TACR3: variants seen among roughly 807,000 people sequenced by gnomAD.
TACR3 encodes neuromedin-K receptor.
Under a neutral mutation model 35.0 loss-of-function variants are expected in TACR3, and 34 were observed. That is an observed-to-expected ratio of 0.97 (90% CI 0.74 to 1.30). TACR3 has a LOEUF of 1.30. Ranked by LOEUF, TACR3 falls within the 50% of genes most tolerant of loss-of-function variation. The pLI, the probability that TACR3 is intolerant of heterozygous loss-of-function variation, is 0.00. For missense variants in TACR3, 558 were observed against 591.7 expected (o/e 0.94, Z 0.59); for synonymous variants, 233 against 221.1 (o/e 1.05, Z -0.48).
At chr4:103,639,758 G>A (rs1463891931) in intron 3 of TACR3, among the ~76,000 whole-genome samples, 1 of 151,942 alleles carries the variant, frequency 6.6e-6, no homozygotes, top group East Asian at 1.9e-4. Flanking sequence ...TGACTCTATT[G>A]TTAAATAAAA....
At chr4:103,625,042 T>C (rs991215950) in intron 3 of TACR3, among the ~76,000 whole-genome samples, 2 of 152,074 alleles carry the variant, frequency 1.3e-5, no homozygotes, top group Admixed American at 6.6e-5. Flanking sequence ...AAACACGCAA[T>C]TGCCTCAGAA....
At chr4:103,668,666 G>A (rs968687261) in intron 1 of TACR3, among the ~76,000 whole-genome samples, 1 of 151,936 alleles carries the variant, frequency 6.6e-6, no homozygotes, top group Non-Finnish European at 1.5e-5. Context: ...TGGCCAACAT[G>A]GTGAAACCCC....
intron 1 of TACR3, among the ~76,000 whole-genome samples, chr4:103,701,121 A>G (rs1482883454): frequency 6.6e-6 from 1 of 152,160 alleles, no homozygotes; most frequent in Non-Finnish European, 1.5e-5. Flanking sequence ...CCCTGTTTGC[A>G]GATGACATGA....
rs995806236 is a variant in TACR3 at position 103,689,685 on chromosome 4, C to T, written c.548+29443G>A. Among the ~76,000 whole-genome samples the T allele has an allele frequency of 2.6e-5, 4 of 151,840 alleles. 1 individual carries two copies. In the South Asian group the frequency reaches 6.2e-4, roughly 24 times the overall value. ...AAAAATTAAAGACAAATGAACAAAG[C>T]CTAAGAGATTTGTGAGACTCTATTA... On this transcript the variant is annotated intron_variant, in intron 1 of 4. Transcript: ENST00000304883.
intron 1 of TACR3, among the ~76,000 whole-genome samples, chr4:103,692,813 G>A (rs1005536679): frequency 6.6e-6 from 1 of 152,144 alleles, no homozygotes; most frequent in Non-Finnish European, 1.5e-5. Flanking sequence ...TGTGAGTTCT[G>A]AGGGGCCAGG....
chr4:103,606,008 G>T (rs1724352670), intron 3 of TACR3, among the ~76,000 whole-genome samples: 1 of 151,816 alleles, frequency 6.6e-6, no homozygotes, highest in African/African-American at 2.4e-5. Flanking sequence ...TGTATAAGGT[G>T]TAAGGAAGGG....
At chr4:103,705,359 C>T (rs1289405078) in intron 1 of TACR3, among the ~76,000 whole-genome samples, 1 of 152,002 alleles carries the variant, frequency 6.6e-6, no homozygotes, top group Non-Finnish European at 1.5e-5. Context: ...TATTTCATGG[C>T]CTTTTCATTC....
intron 3 of TACR3, among the ~76,000 whole-genome samples, chr4:103,650,756 T>G (rs1437981197): frequency 2.2e-5 from 2 of 90,826 alleles, no homozygotes; most frequent in Non-Finnish European, 3.9e-5. Context: ...ATATATATAT[T>G]ATATATGATG....
intron 3 of TACR3, among the ~76,000 whole-genome samples, chr4:103,617,442 C>G (rs954345872): frequency 2.0e-5 from 3 of 152,070 alleles, no homozygotes; most frequent in Non-Finnish European, 2.9e-5. Context: ...TATCTCAAAT[C>G]TTTTTCCAAG....
chr4:103,626,457 C>T lies in TACR3; in HGVS notation c.888+29737G>A, dbSNP rs77835478. Among the ~76,000 whole-genome samples, 681 of 152,020 alleles carry T rather than the reference C, an allele frequency of 4.5e-3. 6 individuals are homozygous for T. Among genetic ancestry groups the T allele is most frequent in the African/African-American group, 0.016 (648 of 41,442 alleles). On this transcript the variant is annotated intron_variant, in intron 3 of 4. Transcript: ENST00000304883. ...CGAATTTTTGTGTTTAGGAAAAAGA[C>T]GTATAGCTGGTGTAACCAGCTAAGG...
chr4:103,634,184 G>C (rs1725129458), intron 3 of TACR3, among the ~76,000 whole-genome samples: 1 of 152,050 alleles, frequency 6.6e-6, no homozygotes, highest in Non-Finnish European at 1.5e-5. Flanking sequence ...TTATTAATCT[G>C]TTATTAACAG....
At chr4:103,668,379 C>T (rs1248560533) in intron 1 of TACR3, among the ~76,000 whole-genome samples, 1 of 152,094 alleles carries the variant, frequency 6.6e-6, no homozygotes, top group Non-Finnish European at 1.5e-5. Context: ...ATCATCTGAT[C>T]CTTCAGCAAG....
intron 1 of TACR3, among the ~76,000 whole-genome samples, chr4:103,661,707 G>GT (rs1407592445): frequency 1.3e-5 from 2 of 151,944 alleles, no homozygotes; most frequent in African/African-American, 4.8e-5. Flanking sequence ...TTTCTAACAG[G>GT]TAAAATATCA....
At chr4:103,660,396 T>G (rs955981927) in intron 1 of TACR3, among the ~76,000 whole-genome samples, 3 of 152,072 alleles carry the variant, frequency 2.0e-5, no homozygotes, top group African/African-American at 7.2e-5. Context: ...CAGGGCTCAA[T>G]GTATATAAAG....
At chr4:103,661,346 A>C (rs1202340947) in intron 1 of TACR3, among the ~76,000 whole-genome samples, 1 of 152,194 alleles carries the variant, frequency 6.6e-6, no homozygotes, top group Non-Finnish European at 1.5e-5. Flanking sequence ...ATTATAACTC[A>C]CATAGCATTT....
chr4:103,599,347 A>T (rs1225123670), intron 3 of TACR3, among the ~76,000 whole-genome samples: 2 of 152,038 alleles, frequency 1.3e-5, no homozygotes, highest in African/African-American at 4.8e-5. Flanking sequence ...GCTTGAGGAG[A>T]TTTTGGGCTG....
intron 3 of TACR3, among the ~76,000 whole-genome samples, chr4:103,621,954 T>G (rs750916269): frequency 6.6e-6 from 1 of 152,200 alleles, no homozygotes; most frequent in Middle Eastern, 3.4e-3. Context: ...AATGAAAGTA[T>G]AAAAATATAA....
rs150838254 is a variant in TACR3 at position 103,598,783 on chromosome 4, T to C, written c.889-7100A>G. Among the ~76,000 whole-genome samples, 865 of 152,338 alleles carry C rather than the reference T, an allele frequency of 5.7e-3. 14 individuals carry two copies. Among genetic ancestry groups the C allele is most frequent in the East Asian group, 0.048 (249 of 5,182 alleles). On this transcript the variant is annotated intron_variant, in intron 3 of 4. Coordinates refer to ENST00000304883, the MANE Select transcript of TACR3 (RefSeq NM_001059.3). ...ATTTGTAGATATGCGGCATTATTTCTGAGGGCTCTGTTCTGTTCCATTGGT... is the reference window on the plus strand; with the variant it reads ...ATTTGTAGATATGCGGCATTATTTCCGAGGGCTCTGTTCTGTTCCATTGGT...
chr4:103,700,960 C>T (rs976473152), intron 1 of TACR3, among the ~76,000 whole-genome samples: 1 of 152,152 alleles, frequency 6.6e-6, no homozygotes, highest in South Asian at 2.1e-4. Context: ...TGGGCAAAAA[C>T]TGGAAGCATT....
Sources: gnomAD v4.1 joint callset for allele counts (sites outside exome capture counted in the v4.1 genomes callset) on GRCh38, gnomAD v4.1.1 for gene constraint, MANE v1.5 for transcripts, NCBI Gene and HGNC (gene_info 2026-07-23, HGNC 2026-07-21) for gene names.